The following CYP19A1 variants were observed in gnomAD, a reference collection of about 807,000 sequenced individuals.
CYP19A1 encodes aromatase.
Under a neutral mutation model 44.4 loss-of-function variants are expected in CYP19A1, and 32 were observed. The ratio of observed to expected loss-of-function variants is 0.72; its 90% CI spans 0.54 to 0.97. CYP19A1 has a LOEUF of 0.97. CYP19A1 is among the 50% of genes least tolerant of loss of function. CYP19A1 has a pLI of 0.00. For missense variants in CYP19A1, 598 were observed against 637.8 expected (o/e 0.94, Z 0.67); for synonymous variants, 212 against 215.6 (o/e 0.98, Z 0.14).
At chr15:51,218,514 T>C in intron 6 of CYP19A1, 27 bp downstream of exon 6, 1 of 1,600,870 alleles carries the variant, frequency 6.2e-7, no homozygotes, top group Non-Finnish European at 8.5e-7. Context: ...ATTGTACTCA[T>C]AAATCTTCCA....
intron 3 of CYP19A1, among the ~76,000 whole-genome samples, chr15:51,233,142 C>A (rs183514713): frequency 9.2e-5 from 14 of 152,292 alleles, no homozygotes; most frequent in Non-Finnish European, 1.5e-5. Flanking sequence ...GCTGCCTGAA[C>A]CACCTGTTTA....
At chr15:51,218,312 G>T in intron 6 of CYP19A1, 1 of 535,424 alleles carries the variant, frequency 1.9e-6, no homozygotes, top group Non-Finnish European at 3.2e-6. Flanking sequence ...CACACACTCA[G>T]CCCCCTTGCC....
At chr15:51,315,129 C>G (rs187376721) in intron 1 of CYP19A1, among the ~76,000 whole-genome samples, 3 of 152,260 alleles carry the variant, frequency 2.0e-5, no homozygotes, top group Admixed American at 2.0e-4. Context: ...AGAAACTCTC[C>G]AACAGGCCTT....
chr15:51,331,588 A>G (rs8025191), intron 1 of CYP19A1, among the ~76,000 whole-genome samples: 25,322 of 151,846 alleles, frequency 0.17, 2,544 homozygotes, highest in Admixed American at 0.26. Context: ...CAGAATGGTT[A>G]TTTATGTGGT....
intron 1 of CYP19A1, chr15:51,312,257 TG>T (rs1269316522): frequency 6.6e-6 from 1 of 152,242 alleles, no homozygotes; most frequent in Non-Finnish European, 1.5e-5. Context: ...GTTTTCCAGA[TG>T]CTAAGGCACA....
intron 1 of CYP19A1, among the ~76,000 whole-genome samples, chr15:51,322,679 C>T (rs1246162588): frequency 6.6e-6 from 1 of 152,188 alleles, no homozygotes; most frequent in Non-Finnish European, 1.5e-5. Context: ...CACCCCCACC[C>T]CCGCTTCCCC....
intron 1 of CYP19A1, among the ~76,000 whole-genome samples, chr15:51,295,681 G>T (rs1378424995): frequency 6.6e-6 from 1 of 152,190 alleles, no homozygotes; most frequent in Non-Finnish European, 1.5e-5. Context: ...AACTCAGAAA[G>T]ACAGATGTGG....
At chr15:51,241,758 C>A (rs2033782702) in intron 2 of CYP19A1, among the ~76,000 whole-genome samples, 1 of 152,164 alleles carries the variant, frequency 6.6e-6, no homozygotes, top group Non-Finnish European at 1.5e-5. Flanking sequence ...TTCCTTTAAA[C>A]TGGGCATTAA....
intron 1 of CYP19A1, among the ~76,000 whole-genome samples, chr15:51,300,285 C>G (rs938721781): frequency 6.6e-6 from 1 of 152,166 alleles, no homozygotes; most frequent in African/African-American, 2.4e-5. Flanking sequence ...TCTGTGGAGT[C>G]TTTCAACATT....
At position 51,317,578 on chromosome 15, in the gene CYP19A1, C is replaced by G. The variant is rs4775938; in HGVS notation, c.-39+20917G>C. 0.016 allele frequency among the ~76,000 whole-genome samples: 2,416 copies of G among 152,252 alleles called. 188 individuals are homozygous for G. In the East Asian group the frequency reaches 0.25, roughly 16 times the overall value. Reference sequence around the variant, plus strand: ...AGATACACAGAGATTTGGGCAAGAACATTCACCCCCACACAGAATGCAAGA... The same window carrying G: ...AGATACACAGAGATTTGGGCAAGAAGATTCACCCCCACACAGAATGCAAGA... On this transcript the variant is annotated intron_variant, in intron 1 of 9. Coordinates refer to ENST00000396402, the MANE Select transcript of CYP19A1 (RefSeq NM_000103.4).
intron 1 of CYP19A1, among the ~76,000 whole-genome samples, chr15:51,314,847 T>C (rs184066368): frequency 6.6e-6 from 1 of 152,248 alleles, no homozygotes; most frequent in African/African-American, 2.4e-5. Context: ...TTCATAAGTG[T>C]TGGTTTCCTC....
chr15:51,309,797 T>C (rs1385231656), intron 1 of CYP19A1, among the ~76,000 whole-genome samples: 1 of 152,234 alleles, frequency 6.6e-6, no homozygotes, highest in Admixed American at 6.5e-5. Context: ...CCACAAGATG[T>C]CTTGGGAAAG....
rs786205107 is a variant in CYP19A1 at position 51,218,539 on chromosome 15, A to G, written c.743+2T>C. The G allele has an allele frequency of 6.2e-7, 1 of 1,611,940 alleles. No homozygotes were observed. The highest frequency in any genetic ancestry group is 8.5e-7 in the Non-Finnish European group (1 of 1,178,886). ...TAAATCTTCCAAAGTTGTATTACTTACACAGACTTCTCATACTTTTTGTAT... is the reference window on the plus strand; with the variant it reads ...TAAATCTTCCAAAGTTGTATTACTTGCACAGACTTCTCATACTTTTTGTAT... On this transcript the variant is annotated splice_donor_variant, in intron 6 of 9. Coordinates refer to ENST00000396402, the MANE Select transcript of CYP19A1 (RefSeq NM_000103.4). LOFTEE classifies it high-confidence loss of function.
At chr15:51,312,430 C>T (rs1040926667) in intron 1 of CYP19A1, 1 of 152,250 alleles carries the variant, frequency 6.6e-6, no homozygotes. Flanking sequence ...ATCCTCCCAA[C>T]CTCTGAGGTT....
intron 1 of CYP19A1, among the ~76,000 whole-genome samples, chr15:51,246,736 T>C (rs2034074744): frequency 6.6e-6 from 1 of 152,146 alleles, no homozygotes; most frequent in African/African-American, 2.4e-5. Context: ...CCTGGCCTTG[T>C]GGAACTTCTG....
chr15:51,321,255 C>T (rs1235852251), intron 1 of CYP19A1, among the ~76,000 whole-genome samples: 3 of 152,190 alleles, frequency 2.0e-5, no homozygotes, highest in African/African-American at 7.2e-5. Flanking sequence ...CCTTCACAAT[C>T]ATCACTGATG....
In CYP19A1 at chr15:51,285,548, T is replaced by C. The variant is rs906367135; in HGVS notation, c.-38-42598A>G. On this transcript the variant is annotated intron_variant, in intron 1 of 9. Coordinates refer to ENST00000396402, the MANE Select transcript of CYP19A1 (RefSeq NM_000103.4). Reference sequence around the variant, plus strand: ...CAGGGTTTGCATGTCTGACATAATGTCCAGGGCTCGGCGCATAAAACCCCT... The same window carrying C: ...CAGGGTTTGCATGTCTGACATAATGCCCAGGGCTCGGCGCATAAAACCCCT... Among the ~76,000 whole-genome samples the C allele has an allele frequency of 6.6e-5, 10 of 152,334 alleles. No individual in the cohort carries two copies. The East Asian group carries it at 1.9e-3, about 29-fold the overall frequency.
At chr15:51,293,989 A>G in intron 1 of CYP19A1, 2 of 205,418 alleles carry the variant, frequency 9.7e-6, no homozygotes, top group Non-Finnish European at 1.9e-5. Context: ...CCCGTCTGGG[A>G]AGTGAGGAGC....
At position 51,212,413 on chromosome 15, in the gene CYP19A1, C is replaced by G. The variant is rs779133666; in HGVS notation, c.1170G>C (p.Lys390Asn). Residue 390 changes from lysine (K) to asparagine (N), a missense_variant, in exon 9 of 10, where the codon AAG (lysine) becomes AAC (asparagine). Lys to Asn is a moderately conservative substitution (Grantham distance 94). Transcript: ENST00000396402. ...CAATATTCAGGATAATGTTTGTCCC[C>G]TTTTTCACTGGGTAGCCATCGATTA... ...DDVIDGYPVK[K>N]GTNIILNIGR... The G allele has an allele frequency of 6.9e-6, 11 of 1,604,802 alleles. No individual in the cohort carries two copies. In the Admixed American group the frequency reaches 1.0e-4, roughly 15 times the overall value.
Sources: allele counts gnomAD v4.1 joint callset (sites outside exome capture counted in the v4.1 genomes callset), GRCh38; gene constraint gnomAD v4.1.1; transcripts MANE v1.5; gene names NCBI Gene and HGNC (gene_info 2026-07-23, HGNC 2026-07-21).